Variants in DCP2 observed in about 807,000 individuals in gnomAD.
DCP2 encodes the protein m7GpppN-mRNA hydrolase.
A neutral mutation model predicts 56.1 loss-of-function variants in DCP2; 30 were observed. That is an observed-to-expected ratio of 0.53 (90% CI 0.40 to 0.73). The LOEUF (loss-of-function observed/expected upper bound fraction) is 0.73, where lower values mean the gene tolerates loss of function less well. DCP2 is among the 30% of genes least tolerant of loss of function. DCP2 has a pLI of 0.00. For missense variants in DCP2, 533 were observed against 502.7 expected (o/e 1.06, Z -0.58); for synonymous variants, 197 against 163.3 (o/e 1.21, Z -1.57).
At position 113,013,500 on chromosome 5, in the gene DCP2, T is replaced by C; in HGVS notation, c.*16T>C. The C allele has an allele frequency of 6.2e-7, 1 of 1,613,210 alleles. No homozygotes were observed. Among genetic ancestry groups the C allele is most frequent in the Non-Finnish European group, 8.5e-7 (1 of 1,179,520 alleles). ...GGACCTTTGATAGCAGCACATGTAT[T>C]GTAAATGTCCCAGGATCAGAGACCT... On this transcript the variant is annotated 3_prime_UTR_variant, in exon 11 of 11. Transcript: ENST00000389063.
chr5:113,011,453 G>T (rs960912696), intron 10 of DCP2, among the ~76,000 whole-genome samples: 5 of 152,206 alleles, frequency 3.3e-5, no homozygotes, highest in Non-Finnish European at 5.9e-5. Flanking sequence ...ACTTGGAAGT[G>T]CAGTAGACTT....
At chr5:113,008,422 T>C (rs1749538922) in intron 9 of DCP2, 1 of 158,246 alleles carries the variant, frequency 6.3e-6, no homozygotes, top group African/African-American at 2.4e-5. Context: ...GTTTAGAAAA[T>C]AAAAAAAACA....
chr5:112,998,503 C>G (rs149326123), intron 4 of DCP2, among the ~76,000 whole-genome samples: 6 of 152,190 alleles, frequency 3.9e-5, no homozygotes, highest in Non-Finnish European at 7.3e-5. Context: ...GTAGACTGAA[C>G]TCCTTAAAGG....
At chr5:113,010,588 A>G (rs1749640407) in intron 9 of DCP2, among the ~76,000 whole-genome samples, 168 bp from the exon 10 acceptor site, 2 of 152,300 alleles carry the variant, frequency 1.3e-5, no homozygotes, top group African/African-American at 4.8e-5. Context: ...GTGAAAAGTA[A>G]ATACAAAATA....
rs1748628010 is a variant in DCP2, at chr5:112,992,230, T to C, written c.315T>C (p.Leu105=). ...MGVPTYGAII[L]DETLENVLLV... ...TACCAACATATGGTGCAATTATTCTTGATGAGACACTTGAAAATGTGAGTG... is the reference window on the plus strand; with the variant it reads ...TACCAACATATGGTGCAATTATTCTCGATGAGACACTTGAAAATGTGAGTG... Residue 105 remains leucine (L), a synonymous_variant, in exon 3 of 11, where the codon CTT becomes CTC. Coordinates refer to ENST00000389063, the MANE Select transcript of DCP2 (RefSeq NM_152624.6). The C allele has an allele frequency of 6.2e-7, 1 of 1,611,744 alleles. No individual in the cohort carries two copies. The highest frequency in any genetic ancestry group is 8.5e-7 in the Non-Finnish European group (1 of 1,179,478).
chr5:112,996,844 C>G (rs978160730), intron 4 of DCP2, among the ~76,000 whole-genome samples: 4 of 152,106 alleles, frequency 2.6e-5, no homozygotes, highest in Admixed American at 2.6e-4. Context: ...AAGACAAAAT[C>G]ACAACAAATT....
intron 9 of DCP2, 141 bp from the exon 10 acceptor site, chr5:113,010,615 A>G (rs1211204779): frequency 9.8e-7 from 1 of 1,017,350 alleles, no homozygotes; most frequent in Non-Finnish European, 1.3e-6. Context: ...TACTGGTGAG[A>G]GAATGGGATG....
chr5:112,995,480 G>C (rs564039278), intron 4 of DCP2, among the ~76,000 whole-genome samples: 2 of 152,180 alleles, frequency 1.3e-5, no homozygotes, highest in Non-Finnish European at 2.9e-5. Flanking sequence ...CAGTAAGGTG[G>C]TTGTCCAGGT....
At chr5:112,987,620 CTTTTTTTTTTTTT>C (rs562254738) in intron 2 of DCP2, among the ~76,000 whole-genome samples, 15 of 69,732 alleles carry the variant, frequency 2.2e-4, no homozygotes, top group Admixed American at 5.7e-4. Flanking sequence ...ACCTAGGTGC[CTTTTTTTTTTTTT>C]TTTTTTTTTT....
chr5:112,988,902 T>C (rs1316546222), intron 2 of DCP2, among the ~76,000 whole-genome samples: 1 of 152,224 alleles, frequency 6.6e-6, no homozygotes, highest in Admixed American at 6.5e-5. Context: ...TAACATTTTG[T>C]GTGTGTTTGC....
intron 1 of DCP2, 30 bp downstream of exon 1, chr5:112,977,016 C>A: frequency 6.8e-7 from 1 of 1,475,756 alleles, no homozygotes; most frequent in Non-Finnish European, 9.1e-7. Flanking sequence ...CCTTTCGCCC[C>A]CGTCGGGTTT....
chr5:112,989,090 CAG>C (rs1748447334), intron 2 of DCP2, among the ~76,000 whole-genome samples: 1 of 152,122 alleles, frequency 6.6e-6, no homozygotes, highest in South Asian at 2.1e-4. Context: ...AGAGTAGACT[CAG>C]TATCTTCAAG....
chr5:113,007,289 T>C (rs1016345571), intron 8 of DCP2, among the ~76,000 whole-genome samples: 2 of 152,178 alleles, frequency 1.3e-5, no homozygotes, highest in African/African-American at 4.8e-5. Context: ...CTAATGTCCC[T>C]CGGCATTCCT....
At chr5:112,984,990 C>T (rs1016601661) in intron 1 of DCP2, among the ~76,000 whole-genome samples, 13 of 151,768 alleles carry the variant, frequency 8.6e-5, no homozygotes, top group African/African-American at 2.9e-4. Context: ...AGCAAGTGAT[C>T]AAACTGGGTG....
intron 2 of DCP2, among the ~76,000 whole-genome samples, chr5:112,986,414 T>A (rs1748289784): frequency 6.6e-6 from 1 of 152,082 alleles, no homozygotes; most frequent in South Asian, 2.1e-4. Flanking sequence ...CCTAGCTTAC[T>A]GTATTCTCGA....
intron 1 of DCP2, among the ~76,000 whole-genome samples, chr5:112,980,465 A>T (rs1747950179): frequency 1.3e-5 from 2 of 152,222 alleles, no homozygotes; most frequent in Non-Finnish European, 2.9e-5. Context: ...GTTTGTAGGA[A>T]CACTGAGAAA....
At chr5:113,007,099 C>T (rs895973223) in intron 8 of DCP2, among the ~76,000 whole-genome samples, 3 of 151,722 alleles carry the variant, frequency 2.0e-5, no homozygotes, top group African/African-American at 7.3e-5. Flanking sequence ...GCACTGTGCT[C>T]CGGCCTGGGC....
At position 113,019,134 on chromosome 5, in the gene DCP2, C is replaced by T. The variant is rs1750006686; in HGVS notation, c.*5650C>T. ...CTTTTAGTTCATTGAATCTGAGGTT[C>T]TAAATCTGTAGCTTCATTTTGAGCA... is the stretch of plus-strand genomic sequence containing the variant. On this transcript the variant is annotated 3_prime_UTR_variant, in exon 11 of 11. Transcript: ENST00000389063. The T allele has an allele frequency of 6.6e-6, 1 of 152,186 alleles. No homozygotes were observed. The highest frequency in any genetic ancestry group is 2.1e-4 in the South Asian group (1 of 4,832). 9.4% of individuals were successfully genotyped at this position (152,186 alleles called of 1,614,324 possible).
At position 113,016,840 on chromosome 5, in the gene DCP2, CT is replaced by C. The variant is rs373599829; in HGVS notation, c.*3374del. 185 of 122,354 alleles carry C rather than the reference CT, an allele frequency of 1.5e-3. No individual in the cohort carries two copies. Among genetic ancestry groups the C allele is most frequent in the African/African-American group, 4.5e-3 (146 of 32,114 alleles). 7.6% of individuals were successfully genotyped at this position (122,354 alleles called of 1,614,324 possible). A position where few individuals can be genotyped will look rare whatever the true frequency, so the allele number is the denominator to read the frequency against. The stretch of plus-strand genomic sequence containing the variant: ...TTTTCTTACCACAATACCCTCTTGG[CT>C]TTTTTTTTTTTTTTTTTGAGATGGA... On this transcript the variant is annotated 3_prime_UTR_variant, in exon 11 of 11. Transcript: ENST00000389063.
Sources: allele counts gnomAD v4.1 joint callset (sites outside exome capture counted in the v4.1 genomes callset), GRCh38; gene constraint gnomAD v4.1.1; transcripts MANE v1.5; gene names NCBI Gene and HGNC (gene_info 2026-07-23, HGNC 2026-07-21).